Variants in KIAA1217 observed in about 807,000 individuals in gnomAD.
KIAA1217 encodes KIAA1217, also known as sickle tail protein homolog.
KIAA1217 carries 88 observed loss-of-function variants against 163.9 expected under a neutral mutation model. The observed-to-expected ratio is 0.54, with a 90% confidence interval of 0.45 to 0.64. KIAA1217 has a LOEUF of 0.64. Among genes scored for constraint, KIAA1217 ranks in the 30% least tolerant of loss-of-function variants. The probability of loss-of-function intolerance (pLI) is 0.00; values close to 1 mark genes in which losing one functional copy is unlikely to be tolerated. For synonymous variants in KIAA1217, 903 were observed against 923.1 expected (o/e 0.98, Z 0.39); for missense variants, 2,372 against 2,475.0 (o/e 0.96, Z 0.88).
chr10:23,905,604 T>C (rs563198376), intron 1 of KIAA1217, among the ~76,000 whole-genome samples: 31 of 152,186 alleles, frequency 2.0e-4, no homozygotes, highest in Non-Finnish European at 4.0e-4. Flanking sequence ...CCCCACAGGA[T>C]GCTCTGCCAC....
chr10:24,011,316 T>C (rs562393062), intron 2 of KIAA1217, among the ~76,000 whole-genome samples: 1 of 152,058 alleles, frequency 6.6e-6, no homozygotes, highest in East Asian at 1.9e-4. Context: ...CGAGACCCCA[T>C]CTTTACAAAA....
chr10:24,535,395 T>C (rs914421495), intron 16 of KIAA1217, among the ~76,000 whole-genome samples: 1 of 152,240 alleles, frequency 6.6e-6, no homozygotes, highest in African/African-American at 2.4e-5. Context: ...ACATACATTA[T>C]TCTTTCTGCT....
intron 1 of KIAA1217, among the ~76,000 whole-genome samples, chr10:23,854,879 C>G (rs1793776415): frequency 1.3e-5 from 2 of 152,150 alleles, no homozygotes; most frequent in African/African-American, 4.8e-5. Flanking sequence ...AGATCTTCCT[C>G]CATCCTTTTA....
chr10:23,949,899 A>G (rs901526853), intron 1 of KIAA1217, among the ~76,000 whole-genome samples: 3 of 152,212 alleles, frequency 2.0e-5, no homozygotes, highest in Non-Finnish European at 2.9e-5. Context: ...GATAGCACCT[A>G]CCACTTACTG....
chr10:23,714,119 C>A (rs1224276162), intron 1 of KIAA1217, among the ~76,000 whole-genome samples: 2 of 152,062 alleles, frequency 1.3e-5, no homozygotes, highest in East Asian at 3.9e-4. Context: ...AGACTTCTAC[C>A]TTTTCTCCAT....
rs1210930891 is a variant in KIAA1217, at chr10:24,177,258, CATATATATATATAT to C, written c.-170-42341_-170-42328del. ...CTAGCACGTTTTCACCTCTCACCAT[CATATATATATATAT>C]ATATATATATATATATATATATATA... On this transcript the variant is annotated intron_variant, in intron 2 of 18. Coordinates refer to the KIAA1217 transcript ENST00000376462. Among the ~76,000 whole-genome samples, 29 of 25,156 alleles carry C rather than the reference CATATATATATATAT, an allele frequency of 1.2e-3. 1 individual carries two copies. In the East Asian group the frequency reaches 0.022, roughly 19 times the overall value. The allele number at this position is 25,156 out of a possible 152,430, so 16.5% of individuals were successfully genotyped here.
At chr10:23,923,363 G>T (rs1362589371) in intron 1 of KIAA1217, among the ~76,000 whole-genome samples, 1 of 152,186 alleles carries the variant, frequency 6.6e-6, no homozygotes, top group East Asian at 1.9e-4. Context: ...TGCTCCGAAT[G>T]GTGAGAAAGT....
At chr10:24,290,480 A>G (rs879931757) in intron 2 of KIAA1217, among the ~76,000 whole-genome samples, 2 of 151,986 alleles carry the variant, frequency 1.3e-5, no homozygotes, top group Admixed American at 6.6e-5. Flanking sequence ...CCTGTCATTC[A>G]TCTCTCAGGT....
chr10:23,855,180 T>G (rs1473621149), intron 1 of KIAA1217, among the ~76,000 whole-genome samples: 1 of 152,204 alleles, frequency 6.6e-6, no homozygotes, highest in African/African-American at 2.4e-5. Flanking sequence ...GTTTAGTGTT[T>G]CCTTCAGGAG....
intron 2 of KIAA1217, among the ~76,000 whole-genome samples, chr10:24,341,376 C>T (rs74708745): frequency 1.2e-3 from 178 of 151,180 alleles, no homozygotes; most frequent in African/African-American, 3.9e-3. Flanking sequence ...CTTTCTCTTC[C>T]GGTCCTAAAA....
chr10:23,860,630 AT>A (rs1218996094), intron 1 of KIAA1217, among the ~76,000 whole-genome samples: 18 of 152,206 alleles, frequency 1.2e-4, no homozygotes, highest in African/African-American at 4.1e-4. Context: ...AAAAAAGCAA[AT>A]ACATTACTAC....
chr10:23,827,708 T>A (rs1182366765), intron 1 of KIAA1217, among the ~76,000 whole-genome samples: 4 of 152,206 alleles, frequency 2.6e-5, no homozygotes, highest in Non-Finnish European at 1.5e-5. Flanking sequence ...GCCTATTGAC[T>A]AAGTCTTTGA....
intron 1 of KIAA1217, among the ~76,000 whole-genome samples, chr10:23,920,708 G>T (rs1842819234): frequency 6.6e-6 from 1 of 152,162 alleles, no homozygotes; most frequent in Non-Finnish European, 1.5e-5. Flanking sequence ...GGCCCAGTCA[G>T]TCCACTGATA....
chr10:24,045,454 C>G (rs943388383), intron 2 of KIAA1217, among the ~76,000 whole-genome samples: 1 of 152,032 alleles, frequency 6.6e-6, no homozygotes, highest in Admixed American at 6.6e-5. Context: ...CTCTAGTTCT[C>G]TCTTTATGGA....
At chr10:24,158,887 A>AC in intron 2 of KIAA1217, 1 of 229,966 alleles carries the variant, frequency 4.3e-6, no homozygotes, top group Non-Finnish European at 9.1e-6. Context: ...GCAGTATTGG[A>AC]CAGTTATACT....
At chr10:24,025,904 G>A (rs760853213) in intron 2 of KIAA1217, among the ~76,000 whole-genome samples, 4 of 151,644 alleles carry the variant, frequency 2.6e-5, no homozygotes, top group Non-Finnish European at 4.4e-5. Context: ...TAGCTTTATG[G>A]TAGATTATTT....
chr10:24,494,123 G>A (rs1382648789), intron 6 of KIAA1217, among the ~76,000 whole-genome samples: 1 of 152,228 alleles, frequency 6.6e-6, no homozygotes, highest in African/African-American at 2.4e-5. Context: ...AATGTGTGCA[G>A]CTAGGTGAGA....
chr10:24,179,479 G>A (rs2066066212), intron 2 of KIAA1217, among the ~76,000 whole-genome samples: 2 of 152,138 alleles, frequency 1.3e-5, no homozygotes, highest in African/African-American at 4.8e-5. Flanking sequence ...TGCTATGATT[G>A]TAAGTTTCCT....
chr10:23,978,903 G>A (rs546420321), intron 1 of KIAA1217, among the ~76,000 whole-genome samples: 1 of 152,192 alleles, frequency 6.6e-6, no homozygotes, highest in East Asian at 1.9e-4. Flanking sequence ...GTTCTCTCTG[G>A]TGGCTCTGTC....
Sources: allele counts gnomAD v4.1 joint callset (sites outside exome capture counted in the v4.1 genomes callset), GRCh38; gene constraint gnomAD v4.1.1; transcripts MANE v1.5; gene names NCBI Gene and HGNC (gene_info 2026-07-23, HGNC 2026-07-21).